SPATA31H1: variants seen among roughly 807,000 people sequenced by gnomAD.
The protein encoded by SPATA31H1 is SPATA31 subfamily H member 1, also known as spermatogenesis-associated protein 31H1.
the SPATA31H1 span, among the ~76,000 whole-genome samples, chr2:27,555,760 C>T: frequency 2.0e-5 from 3 of 151,860 alleles, no homozygotes; most frequent in Admixed American, 2.0e-4. Flanking sequence ...TTCTGGCTTC[C>T]AATATTTCTA....
chr2:27,546,484 T>C, the SPATA31H1 span, among the ~76,000 whole-genome samples: 2 of 151,982 alleles, frequency 1.3e-5, no homozygotes, highest in Admixed American at 6.6e-5. Context: ...GAACACAAAA[T>C]GTAAGGAACA....
the SPATA31H1 span, chr2:27,572,431 A>G: frequency 2.5e-6 from 1 of 398,324 alleles, no homozygotes. Flanking sequence ...GCAGAATTGA[A>G]ACTTTCCATA....
At chr2:27,582,519 A>G in the SPATA31H1 span, 3 of 1,600,214 alleles carry the variant, frequency 1.9e-6, no homozygotes, top group Non-Finnish European at 2.6e-6. Context: ...GCCTGAAGCT[A>G]CTCGATGAGG....
chr2:27,577,595 T>A, the SPATA31H1 span: 1 of 1,614,146 alleles, frequency 6.2e-7, no homozygotes, highest in Admixed American at 1.7e-5. The surrounding 1 kb of genome is among the most constrained non-coding windows in gnomAD (Gnocchi z 4.5). Flanking sequence ...AGTCATTACA[T>A]CACGTCCCAG....
the SPATA31H1 span, among the ~76,000 whole-genome samples, chr2:27,559,279 G>T: frequency 2.8e-4 from 43 of 152,150 alleles, no homozygotes; most frequent in Admixed American, 2.4e-3. Flanking sequence ...TTTGAGCCTG[G>T]TTTATTTCAG....
chr2:27,559,115 A>T, the SPATA31H1 span, among the ~76,000 whole-genome samples: 2 of 152,014 alleles, frequency 1.3e-5, no homozygotes, highest in South Asian at 2.1e-4. Context: ...AATACCAGAG[A>T]TTTTATATAT....
the SPATA31H1 span, chr2:27,572,957 T>G: frequency 2.5e-6 from 1 of 397,508 alleles, no homozygotes; most frequent in Non-Finnish European, 4.4e-6. Flanking sequence ...ATTTTCAAGG[T>G]GTGAAAACTG....
chr2:27,580,482 T>C, the SPATA31H1 span: 1 of 1,614,078 alleles, frequency 6.2e-7, no homozygotes, highest in African/African-American at 1.3e-5. Flanking sequence ...CAGAAAGTTC[T>C]ACACAAACAG....
At chr2:27,559,928 C>T in the SPATA31H1 span, among the ~76,000 whole-genome samples, 3 of 151,818 alleles carry the variant, frequency 2.0e-5, no homozygotes, top group African/African-American at 4.8e-5. Flanking sequence ...AGGGCAGTGG[C>T]GTGATCTCAG....
chr2:27,570,498 G>A, the SPATA31H1 span: 376 of 398,928 alleles, frequency 9.4e-4, 3 homozygotes, highest in East Asian at 0.013. Flanking sequence ...TCCAAAGTTA[G>A]GGCTGCAAGA....
At chr2:27,579,878 A>AC in the SPATA31H1 span, 6 of 1,613,498 alleles carry the variant, frequency 3.7e-6, no homozygotes, top group African/African-American at 1.3e-5. Context: ...GGAGTCAAAT[A>AC]CCCCCCGATG....
At chr2:27,575,722 C>A in the SPATA31H1 span, 1 of 398,512 alleles carries the variant, frequency 2.5e-6, no homozygotes, top group East Asian at 3.6e-5. This position sits in a 1 kb window ranked among gnomAD's most constrained non-coding sequence, Gnocchi z 4.1. Context: ...AATTCTGCAT[C>A]CATTCCAGCA....
chr2:27,552,799 T>C, the SPATA31H1 span, among the ~76,000 whole-genome samples: 1 of 152,072 alleles, frequency 6.6e-6, no homozygotes, highest in Non-Finnish European at 1.5e-5. Flanking sequence ...ATCTTGCATG[T>C]CCTTGATTAA....
At chr2:27,543,668 T>G in the SPATA31H1 span, among the ~76,000 whole-genome samples, 1 of 151,940 alleles carries the variant, frequency 6.6e-6, no homozygotes, top group South Asian at 2.1e-4. Flanking sequence ...GCCACAGGGA[T>G]AGCTCTTGCT....
chr2:27,578,875 A>C, the SPATA31H1 span: 19 of 1,614,070 alleles, frequency 1.2e-5, no homozygotes, highest in Middle Eastern at 1.6e-4. Flanking sequence ...TTGGATATAA[A>C]AAACCCTGGG....
chr2:27,539,944 G>T, the SPATA31H1 span, among the ~76,000 whole-genome samples: 5 of 128,822 alleles, frequency 3.9e-5, no homozygotes, highest in East Asian at 2.9e-4. Context: ...CCTCCCGGAC[G>T]GGGCGGCTGG....
the SPATA31H1 span, chr2:27,581,073 A>G: frequency 1.2e-5 from 20 of 1,613,794 alleles, no homozygotes; most frequent in Admixed American, 1.7e-5. Flanking sequence ...CCAGGAGTCT[A>G]AGAACTTGTC....
the SPATA31H1 span, chr2:27,580,621 T>A: frequency 6.2e-7 from 1 of 1,614,238 alleles, no homozygotes; most frequent in Non-Finnish European, 8.5e-7. Flanking sequence ...CCCAAGTTCA[T>A]GCAACTGCTT....
chr2:27,577,255 G>A, the SPATA31H1 span: 2 of 1,614,016 alleles, frequency 1.2e-6, no homozygotes, highest in East Asian at 2.2e-5. The surrounding 1 kb of genome is among the most constrained non-coding windows in gnomAD (Gnocchi z 4.5). Context: ...CCAGAGAAAA[G>A]CTACCAAATC....
Sources: gnomAD v4.1 joint callset for allele counts (sites outside exome capture counted in the v4.1 genomes callset) on GRCh38, gnomAD v4.1.1 for gene constraint, Gnocchi (gnomAD v3.1) non-coding constraint, MANE v1.5 for transcripts, NCBI Gene and HGNC (gene_info 2026-07-23, HGNC 2026-07-21) for gene names.